Variants in UCK2 observed in about 807,000 individuals in gnomAD.
The protein encoded by UCK2 is cytidine monophosphokinase 2.
Under a neutral mutation model 30.8 loss-of-function variants are expected in UCK2, and 6 were observed. The ratio of observed to expected loss-of-function variants is 0.19; its 90% CI spans 0.11 to 0.38. The LOEUF is 0.38. UCK2 is among the 10% of genes least tolerant of loss of function. The pLI, the probability that UCK2 is intolerant of heterozygous loss-of-function variation, is 1.00. For synonymous variants in UCK2, 125 were observed against 133.6 expected, an observed-to-expected ratio of 0.94 and a Z score of 0.45; for missense variants, 210 against 339.8, an observed-to-expected ratio of 0.62 and a Z score of 3.00.
chr1:165,907,069 C>A (rs1463942131), intron 6 of UCK2, among the ~76,000 whole-genome samples: 1 of 152,136 alleles, frequency 6.6e-6, no homozygotes, highest in African/African-American at 2.4e-5. Flanking sequence ...TGATTGGTTT[C>A]ATGAGCTTAT....
At chr1:165,835,781 C>G (rs140909016) in intron 1 of UCK2, among the ~76,000 whole-genome samples, 1 of 152,216 alleles carries the variant, frequency 6.6e-6, no homozygotes, top group African/African-American at 2.4e-5. Context: ...AATTTAATTT[C>G]ATTTATTTTT....
At chr1:165,829,978 A>G (rs1305025824) in intron 1 of UCK2, among the ~76,000 whole-genome samples, 1 of 152,146 alleles carries the variant, frequency 6.6e-6, no homozygotes, top group Non-Finnish European at 1.5e-5. Context: ...GGCTGGCACT[A>G]TCATGACTGG....
At chr1:165,878,335 C>CTTTT (rs35804765) in intron 1 of UCK2, among the ~76,000 whole-genome samples, 1 of 144,038 alleles carries the variant, frequency 6.9e-6, no homozygotes, top group Non-Finnish European at 1.5e-5. Flanking sequence ...TTCTTTCTTT[C>CTTTT]TTTTTTTTTT....
intron 1 of UCK2, among the ~76,000 whole-genome samples, chr1:165,844,194 A>G (rs1239156578): frequency 6.6e-6 from 1 of 152,210 alleles, no homozygotes; most frequent in East Asian, 1.9e-4. Context: ...ACTCTGCTCT[A>G]TTGAGTCTCA....
intron 3 of UCK2, chr1:165,895,414 T>G: frequency 1.1e-6 from 1 of 945,382 alleles, no homozygotes; most frequent in Non-Finnish European, 1.3e-6. Context: ...TGAGACCCTG[T>G]CTCCAAAAAC....
In UCK2 at chr1:165,898,746, C is replaced by A. The variant is rs3790658; in HGVS notation, c.499+2414C>A. Among the ~76,000 whole-genome samples the A allele has an allele frequency of 8.8e-3, 1,348 of 152,348 alleles. 35 individuals carry two copies. The highest frequency in any genetic ancestry group is 0.057 in the Admixed American group (871 of 15,300). ...TCAACAGAACATTTTCCCTTCCTTT[C>A]TTGCATGGGATTCTTATGTGAAATA... On this transcript the variant is annotated intron_variant, in intron 4 of 6. Coordinates refer to ENST00000367879, the MANE Select transcript of UCK2 (RefSeq NM_012474.5).
chr1:165,863,470 G>C (rs1281770029), intron 1 of UCK2, among the ~76,000 whole-genome samples: 2 of 152,164 alleles, frequency 1.3e-5, no homozygotes, highest in Admixed American at 1.3e-4. Context: ...GGGTTAAGTT[G>C]GCATTAGAAG....
At chr1:165,836,345 A>C (rs1007539007) in intron 1 of UCK2, among the ~76,000 whole-genome samples, 1 of 152,248 alleles carries the variant, frequency 6.6e-6, no homozygotes, top group Non-Finnish European at 1.5e-5. Flanking sequence ...TTCTGTGGAT[A>C]ATTACTATTT....
At chr1:165,890,062 T>A (rs1655726813) in intron 1 of UCK2, 142 bp from the exon 2 acceptor site, 3 of 837,684 alleles carry the variant, frequency 3.6e-6, no homozygotes, top group Non-Finnish European at 5.7e-6. Context: ...CTTTAACTCA[T>A]CATGCACGAT....
At chr1:165,843,735 G>A (rs1415421032) in intron 1 of UCK2, among the ~76,000 whole-genome samples, 1 of 152,156 alleles carries the variant, frequency 6.6e-6, no homozygotes, top group Non-Finnish European at 1.5e-5. Context: ...GAGAGACCCT[G>A]TCTCTAAAAA....
chr1:165,875,873 T>C (rs537329033), intron 1 of UCK2, among the ~76,000 whole-genome samples: 1 of 152,288 alleles, frequency 6.6e-6, no homozygotes, highest in Admixed American at 6.5e-5. Context: ...TTGGGTTTTT[T>C]GGAAACGTTC....
At chr1:165,841,270 G>A (rs186513198) in intron 1 of UCK2, among the ~76,000 whole-genome samples, 25 of 151,434 alleles carry the variant, frequency 1.7e-4, no homozygotes, top group East Asian at 7.8e-4. Context: ...TGCATCCTCC[G>A]CCTCCTAGGT....
intron 1 of UCK2, among the ~76,000 whole-genome samples, chr1:165,854,043 A>G (rs1654664367): frequency 6.6e-6 from 1 of 152,228 alleles, no homozygotes; most frequent in Middle Eastern, 3.2e-3. Context: ...TCAGAAGTCC[A>G]TGCTCTTTGG....
chr1:165,900,071 C>G (rs1571299959), intron 4 of UCK2: 1 of 152,284 alleles, frequency 6.6e-6, no homozygotes. Context: ...GTGTCCTGCT[C>G]TCCCTTCCCG....
intron 1 of UCK2, among the ~76,000 whole-genome samples, chr1:165,878,676 T>C (rs72699994): frequency 2.1e-3 from 326 of 152,314 alleles, no homozygotes; most frequent in Non-Finnish European, 3.6e-3. Flanking sequence ...CTGAATCACA[T>C]TCCATTGTCT....
At chr1:165,851,045 T>A (rs1457539758) in intron 1 of UCK2, among the ~76,000 whole-genome samples, 1 of 150,380 alleles carries the variant, frequency 6.6e-6, no homozygotes, top group Non-Finnish European at 1.5e-5. Context: ...ATTACAGGTG[T>A]GAGCCAGTGC....
At chr1:165,870,744 A>G (rs1655175613) in intron 1 of UCK2, among the ~76,000 whole-genome samples, 3 of 152,190 alleles carry the variant, frequency 2.0e-5, no homozygotes, top group Admixed American at 2.0e-4. Flanking sequence ...TGTATTTATT[A>G]TGCTGCTTAC....
rs1404038430 is a variant in UCK2, at chr1:165,885,885, A to G, written c.100-4319A>G. Among the ~76,000 whole-genome samples, 6 of 152,344 alleles carry G rather than the reference A, an allele frequency of 3.9e-5. 1 individual carries two copies. The highest frequency in any genetic ancestry group is 4.1e-4 in the South Asian group (2 of 4,830). ...GAAATGGGGCTTTTATTATAGTGAT[A>G]ATAATTTTTAATTGTGGTAAAATAC... is the stretch of plus-strand genomic sequence containing the variant. On this transcript the variant is annotated intron_variant, in intron 1 of 6. Coordinates refer to ENST00000367879, the MANE Select transcript of UCK2 (RefSeq NM_012474.5).
chr1:165,895,319 C>T (rs995185942), intron 3 of UCK2, among the ~76,000 whole-genome samples: 11 of 152,036 alleles, frequency 7.2e-5, no homozygotes, highest in African/African-American at 2.7e-4. Flanking sequence ...GGGGCTGAGG[C>T]GGGAGGATCG....
Sources: allele counts gnomAD v4.1 joint callset (sites outside exome capture counted in the v4.1 genomes callset), GRCh38; gene constraint gnomAD v4.1.1; transcripts MANE v1.5; gene names NCBI Gene and HGNC (gene_info 2026-07-23, HGNC 2026-07-21).